The following KLF12 variants were observed in gnomAD, a reference collection of about 807,000 sequenced individuals.
KLF12 encodes the protein KLF transcription factor 12.
A neutral mutation model predicts 37.8 loss-of-function variants in KLF12; 9 were observed. That is an observed-to-expected ratio of 0.24 (90% confidence interval 0.14 to 0.42). The LOEUF is 0.42. Ranked by LOEUF, KLF12 falls within the 10% of genes least tolerant of loss-of-function variation. KLF12 has a pLI of 1.00. For synonymous variants in KLF12, 208 were observed against 202.1 expected (o/e 1.03, Z -0.25); for missense variants, 411 against 516.0 (o/e 0.80, Z 1.97).
intron 1 of KLF12, among the ~76,000 whole-genome samples, chr13:74,041,855 G>A (rs1247293067): frequency 1.3e-5 from 2 of 152,008 alleles, no homozygotes; most frequent in Non-Finnish European, 2.9e-5. Flanking sequence ...AGGTATTCAA[G>A]CTATATAAAT....
chr13:73,778,083 G>A (rs146650922), intron 5 of KLF12, among the ~76,000 whole-genome samples: 1 of 149,094 alleles, frequency 6.7e-6, no homozygotes, highest in African/African-American at 2.5e-5. Context: ...TCAGTGAGCT[G>A]AGATCATGCC....
At chr13:74,053,438 C>T (rs1873046269) in intron 1 of KLF12, among the ~76,000 whole-genome samples, 1 of 151,882 alleles carries the variant, frequency 6.6e-6, no homozygotes, top group Admixed American at 6.6e-5. Flanking sequence ...TAAGTCCTTC[C>T]CATGTATTAA....
chr13:74,241,234 G>A, the KLF12 span, among the ~76,000 whole-genome samples: 4 of 147,070 alleles, frequency 2.7e-5, no homozygotes, highest in Non-Finnish European at 5.9e-5. Flanking sequence ...CTGCTGGGGG[G>A]TGCCTCCCAG....
chr13:74,239,937 A>G, the KLF12 span, among the ~76,000 whole-genome samples: 1 of 150,486 alleles, frequency 6.6e-6, no homozygotes, highest in African/African-American at 2.5e-5. Flanking sequence ...CATTTAGTCC[A>G]TTTACATTTA....
At chr13:73,975,616 G>A (rs749816670) in intron 2 of KLF12, among the ~76,000 whole-genome samples, 1 of 151,954 alleles carries the variant, frequency 6.6e-6, no homozygotes, top group Non-Finnish European at 1.5e-5. Flanking sequence ...ATTTCTTTCC[G>A]AAAGCTCCTC....
the KLF12 span, among the ~76,000 whole-genome samples, chr13:74,302,531 A>T: frequency 6.6e-6 from 1 of 152,180 alleles, no homozygotes; most frequent in African/African-American, 2.4e-5. Context: ...GGAAACTTAC[A>T]GAATAAAAGG....
At chr13:74,070,988 A>C (rs1280682361) in intron 1 of KLF12, among the ~76,000 whole-genome samples, 1 of 152,216 alleles carries the variant, frequency 6.6e-6, no homozygotes, top group Non-Finnish European at 1.5e-5. Flanking sequence ...CACAAATATC[A>C]ACAAAATATA....
At chr13:74,275,803 T>TTTCC in the KLF12 span, among the ~76,000 whole-genome samples, 3 of 86,322 alleles carry the variant, frequency 3.5e-5, no homozygotes. Flanking sequence ...TCTTTCTTTC[T>TTTCC]TTCCTTCTTT....
chr13:73,800,527 C>A (rs955207332), intron 5 of KLF12: 3 of 152,042 alleles, frequency 2.0e-5, no homozygotes, highest in Non-Finnish European at 4.4e-5. Context: ...CTAAAGCTCT[C>A]CTTCTGCTAG....
chr13:73,826,121 C>T (rs1193183784), intron 4 of KLF12, among the ~76,000 whole-genome samples: 6 of 152,074 alleles, frequency 3.9e-5, no homozygotes, highest in Non-Finnish European at 5.9e-5. Context: ...TACAGGCGCC[C>T]GCCACCACGC....
the KLF12 span, among the ~76,000 whole-genome samples, chr13:74,229,804 TG>T: frequency 5.3e-5 from 8 of 152,180 alleles, no homozygotes; most frequent in African/African-American, 1.9e-4. Context: ...AAGTCAGTTC[TG>T]CTTCTTATAC....
the KLF12 span, among the ~76,000 whole-genome samples, chr13:74,286,354 T>G: frequency 6.6e-6 from 1 of 152,112 alleles, no homozygotes; most frequent in African/African-American, 2.4e-5. Flanking sequence ...GATGGAGAAA[T>G]TATAGAAGAA....
chr13:73,810,978 C>CTTTATTTAT (rs1566385046), intron 5 of KLF12, among the ~76,000 whole-genome samples: 1 of 48,828 alleles, frequency 2.0e-5, no homozygotes, highest in Non-Finnish European at 4.3e-5. Flanking sequence ...TTTAATTTTT[C>CTTTATTTAT]TTTCTTTTTT....
intron 1 of KLF12, among the ~76,000 whole-genome samples, chr13:74,063,639 G>T (rs1873739667): frequency 6.6e-6 from 1 of 151,966 alleles, no homozygotes; most frequent in South Asian, 2.1e-4. Context: ...AATGACAGGG[G>T]GCCTTTAAAG....
At chr13:73,883,273 T>C (rs1342804169) in intron 3 of KLF12, among the ~76,000 whole-genome samples, 2 of 152,062 alleles carry the variant, frequency 1.3e-5, no homozygotes, top group Non-Finnish European at 2.9e-5. Context: ...AAAAAATGAG[T>C]GATTGAATCA....
chr13:74,170,031 T>G, the KLF12 span, among the ~76,000 whole-genome samples: 1 of 152,206 alleles, frequency 6.6e-6, no homozygotes, highest in African/African-American at 2.4e-5. Flanking sequence ...GCTATAGTCC[T>G]TTGCCTTCAT....
At chr13:74,012,611 C>T (rs1892579832) in intron 1 of KLF12, among the ~76,000 whole-genome samples, 1 of 152,200 alleles carries the variant, frequency 6.6e-6, no homozygotes, top group African/African-American at 2.4e-5. Context: ...TCTTAAATGT[C>T]AAACCTCTGA....
At chr13:73,786,068 G>A (rs1389942794) in intron 5 of KLF12, among the ~76,000 whole-genome samples, 1 of 151,886 alleles carries the variant, frequency 6.6e-6, no homozygotes, top group Non-Finnish European at 1.5e-5. Context: ...GAGTTGCCCT[G>A]TGCAAAGAGG....
chr13:74,046,307 A>G (rs980665711), intron 1 of KLF12, among the ~76,000 whole-genome samples: 1 of 152,024 alleles, frequency 6.6e-6, no homozygotes. Flanking sequence ...CAAATCCACA[A>G]CTCCAAAAAA....
Sources: gnomAD v4.1 joint callset for allele counts (sites outside exome capture counted in the v4.1 genomes callset) on GRCh38, gnomAD v4.1.1 for gene constraint, MANE v1.5 for transcripts, NCBI Gene and HGNC (gene_info 2026-07-23, HGNC 2026-07-21) for gene names.